TFDP1: variants seen among roughly 807,000 people sequenced by gnomAD.
TFDP1 encodes the protein DRTF1-polypeptide 1.
Under a neutral mutation model 48.0 loss-of-function variants are expected in TFDP1, and 6 were observed. That is an observed-to-expected ratio of 0.13 (90% CI 0.07 to 0.25). The LOEUF is 0.25. Among genes scored for constraint, TFDP1 ranks in the 10% least tolerant of loss-of-function variants. TFDP1 has a pLI of 1.00. For missense variants in TFDP1, 335 were observed against 543.0 expected (o/e 0.62, Z 3.81); for synonymous variants, 201 against 211.6 (o/e 0.95, Z 0.44).
Position 113,623,183 on chromosome 13 carries a change from T to C in TFDP1, c.83T>C (p.Val28Ala), listed in dbSNP as rs1390366892. 1 of 1,612,858 alleles carries C rather than the reference T, an allele frequency of 6.2e-7. No homozygotes were observed. ...ACCTGGTGTCCTTGTGTTGCAGGCG[T>C]GGTGTCCCTCGTGGCCGTTCACCCC... ...IDQNLSPGKG[V>A]VSLVAVHPST... Residue 28 changes from valine (V) to alanine (A), a missense_variant, in exon 4 of 12, where the codon GTG (valine) becomes GCG (alanine). Val to Ala is a moderately conservative substitution (Grantham distance 64). Transcript: ENST00000375370. The surrounding 1 kb of genome is among the most constrained non-coding windows in gnomAD (Gnocchi z 5.2).
At chr13:113,587,482 CTTT>C (rs34556944) in intron 2 of TFDP1, among the ~76,000 whole-genome samples, 1 of 125,462 alleles carries the variant, frequency 8.0e-6, no homozygotes, top group Non-Finnish European at 1.7e-5. Context: ...TTCGCTAGCT[CTTT>C]TTTTTTTTTT....
chr13:113,591,112 C>T (rs896595828), intron 2 of TFDP1, among the ~76,000 whole-genome samples: 2 of 150,944 alleles, frequency 1.3e-5, no homozygotes, highest in East Asian at 2.0e-4. Context: ...GAGGCCAAGG[C>T]GGGTGGATCA....
chr13:113,620,802 T>C (rs1355233313), intron 3 of TFDP1, among the ~76,000 whole-genome samples: 1 of 152,208 alleles, frequency 6.6e-6, no homozygotes, highest in Non-Finnish European at 1.5e-5. Flanking sequence ...TGGAAGAAAA[T>C]TTCCCAAAGC....
At position 113,598,263 on chromosome 13, in the gene TFDP1, C is replaced by T. The variant is rs925731720; in HGVS notation, c.12+12414C>T. On this transcript the variant is annotated intron_variant, in intron 2 of 11. Coordinates refer to ENST00000375370, the MANE Select transcript of TFDP1 (RefSeq NM_007111.5). This position sits in a 1 kb window ranked among gnomAD's most constrained non-coding sequence, Gnocchi z 4.2. ...AGGCAGGATGCAAGCACCTTTTTAA[C>T]GGCTGTGGAACTGATGTATGGGTTT... Among the ~76,000 whole-genome samples the T allele has an allele frequency of 6.6e-5, 10 of 152,184 alleles. No individual in the cohort carries two copies. Among genetic ancestry groups the T allele is most frequent in the South Asian group, 4.1e-4 (2 of 4,830 alleles).
At chr13:113,626,038 G>T in intron 4 of TFDP1, among the ~76,000 whole-genome samples, 1 of 145,410 alleles carries the variant, frequency 6.9e-6, no homozygotes, top group East Asian at 2.1e-4. Context: ...TGTCTCTCAC[G>T]CGTCCTCAGG....
chr13:113,627,268 G>A lies in TFDP1; in HGVS notation c.186+3982G>A, dbSNP rs567690460. Among the ~76,000 whole-genome samples, 11 of 152,278 alleles carry A rather than the reference G, an allele frequency of 7.2e-5. No homozygotes were observed. The South Asian group carries it at 1.4e-3, about 20-fold the overall frequency. ...TCAAGGTCAGGGTCTTTTGAGGTGC[G>A]GATGCTTGTGAAGCCTGTGGTGCTG... On this transcript the variant is annotated intron_variant, in intron 4 of 11. Transcript: ENST00000375370. The surrounding 1 kb of genome is among the most constrained non-coding windows in gnomAD (Gnocchi z 4.1).
intron 4 of TFDP1, among the ~76,000 whole-genome samples, chr13:113,625,411 GTC>G (rs1259860684): frequency 5.7e-4 from 66 of 115,622 alleles, no homozygotes; most frequent in Middle Eastern, 7.1e-3. Flanking sequence ...GTCCTCAGGT[GTC>G]TCTCACGTGT....
chr13:113,631,872 G>A (rs1195094296), intron 5 of TFDP1, 128 bp downstream of exon 5: 6 of 1,295,014 alleles, frequency 4.6e-6, no homozygotes, highest in South Asian at 2.9e-5. Context: ...GCCAGCCTCC[G>A]AATCACACTC....
intron 5 of TFDP1, 128 bp downstream of exon 5, chr13:113,631,872 G>T: frequency 1.5e-6 from 2 of 1,295,016 alleles, no homozygotes; most frequent in Non-Finnish European, 2.1e-6. Flanking sequence ...GCCAGCCTCC[G>T]AATCACACTC....
At chr13:113,626,065 T>C (rs1471218773) in intron 4 of TFDP1, among the ~76,000 whole-genome samples, 4 of 146,648 alleles carry the variant, frequency 2.7e-5, no homozygotes, top group African/African-American at 1.0e-4. Flanking sequence ...TCACATGTCC[T>C]CAGGTGTCTC....
chr13:113,598,466 T>C lies in TFDP1; in HGVS notation c.13-12530T>C, dbSNP rs1028488099. 1.3e-5 allele frequency among the ~76,000 whole-genome samples: 2 copies of C among 152,062 alleles called. No homozygotes were observed. Among genetic ancestry groups the C allele is most frequent in the Non-Finnish European group, 2.9e-5 (2 of 67,994 alleles). ...TGCCTTCCAAGTGTCTGCTCATGAG[T>C]GGATGGGCCCCACCCTCTGTGCCTG... On this transcript the variant is annotated intron_variant, in intron 2 of 11. Transcript: ENST00000375370. This position sits in a 1 kb window ranked among gnomAD's most constrained non-coding sequence, Gnocchi z 4.2.
At chr13:113,588,634 C>T (rs1306838242) in intron 2 of TFDP1, among the ~76,000 whole-genome samples, 1 of 152,128 alleles carries the variant, frequency 6.6e-6, no homozygotes, top group Non-Finnish European at 1.5e-5. Context: ...GAAAAGTTTG[C>T]AGAGTGGGTA....
intron 3 of TFDP1, among the ~76,000 whole-genome samples, chr13:113,614,505 C>T (rs1018139842): frequency 3.3e-5 from 5 of 152,154 alleles, no homozygotes; most frequent in Admixed American, 1.3e-4. Context: ...ACTTTGAGGG[C>T]TGTAGAGGCC....
At chr13:113,601,530 C>A (rs1304897380) in intron 2 of TFDP1, among the ~76,000 whole-genome samples, 1 of 152,176 alleles carries the variant, frequency 6.6e-6, no homozygotes, top group East Asian at 1.9e-4. Context: ...CAGGGCAGGG[C>A]AGCCCACTTG....
intron 2 of TFDP1, among the ~76,000 whole-genome samples, chr13:113,599,923 A>G (rs1329153857): frequency 6.7e-6 from 1 of 149,836 alleles, no homozygotes; most frequent in Admixed American, 6.6e-5. Flanking sequence ...GGGCTCCAGA[A>G]CCGTGAGAGA....
At chr13:113,617,660 TCACCTGCAGAGCC>T (rs879700685) in intron 3 of TFDP1, among the ~76,000 whole-genome samples, 12,898 of 135,202 alleles carry the variant, frequency 0.095, 669 homozygotes, top group Middle Eastern at 0.21. Flanking sequence ...GCAGAGCCGC[TCACCTGCAGAGCC>T]GCTCACCTGC....
intron 5 of TFDP1, among the ~76,000 whole-genome samples, chr13:113,632,622 A>C (rs1048516099): frequency 6.6e-6 from 1 of 152,136 alleles, no homozygotes; most frequent in African/African-American, 2.4e-5. Flanking sequence ...TTAAAAATAC[A>C]AAAAAATTAG....
chr13:113,599,777 C>T (rs1428644955), intron 2 of TFDP1, among the ~76,000 whole-genome samples: 3 of 152,006 alleles, frequency 2.0e-5, no homozygotes, highest in African/African-American at 4.8e-5. Flanking sequence ...AATCCTTGCA[C>T]TTAGGGCTCC....
At chr13:113,637,564 C>T (rs2049524340) in intron 10 of TFDP1, 17 of 1,473,866 alleles carry the variant, frequency 1.2e-5, no homozygotes, top group Admixed American at 6.2e-5. Flanking sequence ...ACACGTGTGC[C>T]GTTTGTAAGT....
Sources: gnomAD v4.1 joint callset for allele counts (sites outside exome capture counted in the v4.1 genomes callset) on GRCh38, gnomAD v4.1.1 for gene constraint, Gnocchi (gnomAD v3.1) non-coding constraint, MANE v1.5 for transcripts, NCBI Gene and HGNC (gene_info 2026-07-23, HGNC 2026-07-21) for gene names.